Variants in GNPTAB observed in about 807,000 individuals in gnomAD.
The protein encoded by GNPTAB is N-acetylglucosamine-1-phosphotransferase subunits alpha/beta.
In GNPTAB, 92 loss-of-function variants were observed where a neutral mutation model predicts 136.6. That is an observed-to-expected ratio of 0.67 (90% confidence interval 0.57 to 0.80). The LOEUF (loss-of-function observed/expected upper bound fraction) is 0.80. GNPTAB is among the 30% of genes least tolerant of loss of function. The pLI is 0.00. For missense variants in GNPTAB, 1,343 were observed against 1,501.8 expected, an observed-to-expected ratio of 0.89 and a Z score of 1.75; for synonymous variants, 512 against 535.1, an observed-to-expected ratio of 0.96 and a Z score of 0.60.
intron 1 of GNPTAB, among the ~76,000 whole-genome samples, chr12:101,809,568 G>C (rs1408053959): frequency 1.3e-5 from 2 of 152,200 alleles, no homozygotes; most frequent in African/African-American, 4.8e-5. Flanking sequence ...ATATTATTCA[G>C]TGCTACAAAG....
intron 1 of GNPTAB, among the ~76,000 whole-genome samples, chr12:101,821,058 A>G (rs1354219120): frequency 2.5e-5 from 1 of 39,482 alleles, no homozygotes; most frequent in African/African-American, 3.9e-4. Flanking sequence ...ACTCCGTCTC[A>G]AAAAAAAAAA....
intron 18 of GNPTAB, chr12:101,756,533 T>G (rs1162935042): frequency 2.8e-6 from 1 of 360,652 alleles, no homozygotes; most frequent in Admixed American, 3.5e-5. Flanking sequence ...ATGTTTGCAT[T>G]ACTGCATTCC....
At chr12:101,756,505 T>C (rs774600507) in intron 18 of GNPTAB, 4 of 393,922 alleles carry the variant, frequency 1.0e-5, no homozygotes, top group South Asian at 7.2e-5. Context: ...GCCCACGAGG[T>C]CGAGGCTACA....
chr12:101,784,934 G>A (rs759228982), intron 5 of GNPTAB, among the ~76,000 whole-genome samples: 3 of 152,278 alleles, frequency 2.0e-5, no homozygotes, highest in South Asian at 4.1e-4. Flanking sequence ...AGCAGAAGAC[G>A]CAGGTTATGG....
rs1594206978 is a variant in GNPTAB, at chr12:101,757,072, C to T, written c.3434+140G>A. On this transcript the variant is annotated intron_variant, in intron 18 of 20. Coordinates refer to ENST00000299314, the MANE Select transcript of GNPTAB (RefSeq NM_024312.5). ...ATCTCAACTTGCAACTCCTATCTCT[C>T]ACTCAACCACCAGCTCCAACACTGC... is the stretch of plus-strand genomic sequence containing the variant. 3 of 608,278 alleles carry T rather than the reference C, an allele frequency of 4.9e-6. No individual in the cohort carries two copies. The East Asian group carries it at 8.5e-5, about 17-fold the overall frequency. The allele number at this position is 608,278 out of a possible 1,614,324, so 37.7% of individuals were successfully genotyped here.
intron 13 of GNPTAB, among the ~76,000 whole-genome samples, chr12:101,762,338 T>C (rs1953009781): frequency 6.6e-6 from 1 of 152,144 alleles, no homozygotes; most frequent in African/African-American, 2.4e-5. Flanking sequence ...AAAATAAAAA[T>C]GTAAGGAGAC....
In GNPTAB at chr12:101,824,824, A is replaced by C. The variant is rs533040618; in HGVS notation, c.117+5735T>G. 1.6e-4 allele frequency among the ~76,000 whole-genome samples: 25 copies of C among 152,226 alleles called. No individual in the cohort carries two copies. In the South Asian group the frequency reaches 5.2e-3, roughly 32 times the overall value. On this transcript the variant is annotated intron_variant, in intron 1 of 20. Transcript: ENST00000299314. The stretch of plus-strand genomic sequence containing the variant: ...GTTAATAAGCTAGGTCTGAGTTGGG[A>C]GTCTGTCACTTGCAACCTAGTGCTG...
chr12:101,830,011 A>AAG, intron 1 of GNPTAB, among the ~76,000 whole-genome samples: 1 of 150,676 alleles, frequency 6.6e-6, no homozygotes, highest in East Asian at 1.9e-4. Flanking sequence ...TACCAAAAAA[A>AAG]AAAAAAAAAA....
chr12:101,799,621 ACAGT>A (rs1869492375), intron 1 of GNPTAB, among the ~76,000 whole-genome samples: 2 of 152,172 alleles, frequency 1.3e-5, no homozygotes. Flanking sequence ...ATTAACACCA[ACAGT>A]CAGTGTTTTG....
chr12:101,761,305 C>G lies in GNPTAB; in HGVS notation c.2957G>C (p.Arg986Pro), dbSNP rs776312538. The change falls in exon 15 of 21, where the codon CGC becomes CCC. Residue 986 changes from arginine to proline, a missense_variant. By Grantham distance (103) the Arg-to-Pro change is moderately radical (BLOSUM62 -2). Transcript: ENST00000299314. The stretch of plus-strand genomic sequence containing the variant: ...GGCAAACTGCATATCCTCAGAATGG[C>G]GCACTTTGTGAAATGACGTCTTGTC... ...EFDKTSFHKV[R>P]HSEDMQFAFS... is the part of the protein sequence containing the mutation. 3 of 1,614,080 alleles carry G rather than the reference C, an allele frequency of 1.9e-6. No homozygotes were observed. Among genetic ancestry groups the G allele is most frequent in the Non-Finnish European group, 1.7e-6 (2 of 1,180,012 alleles).
At chr12:101,765,745 T>C (rs11111007) in intron 12 of GNPTAB, 37,876 of 357,246 alleles carry the variant, frequency 0.11, 2,244 homozygotes, top group Middle Eastern at 0.19. Flanking sequence ...ACTCCATTAA[T>C]ACGCTATCAA....
chr12:101,763,814 T>G (rs1194635630), intron 13 of GNPTAB, among the ~76,000 whole-genome samples: 1 of 152,234 alleles, frequency 6.6e-6, no homozygotes, highest in African/African-American at 2.4e-5. Context: ...TTTGCTGTTA[T>G]AATGTTGGGG....
chr12:101,785,883 TTC>T (rs2137144143), intron 5 of GNPTAB, 127 bp downstream of exon 5: 1 of 747,142 alleles, frequency 1.3e-6, no homozygotes. Context: ...GCTGTTTTGC[TTC>T]TCTTTGTGCA....
At chr12:101,802,803 A>G (rs1208400734) in intron 1 of GNPTAB, among the ~76,000 whole-genome samples, 3 of 152,216 alleles carry the variant, frequency 2.0e-5, no homozygotes, top group Non-Finnish European at 4.4e-5. Flanking sequence ...ACAGAATGGG[A>G]AACTGTGCCT....
chr12:101,798,297 T>G (rs1370940511), intron 1 of GNPTAB, among the ~76,000 whole-genome samples: 1 of 152,204 alleles, frequency 6.6e-6, no homozygotes, highest in Non-Finnish European at 1.5e-5. Context: ...AATCTTTCTG[T>G]GTGTCCTTTC....
intron 1 of GNPTAB, among the ~76,000 whole-genome samples, chr12:101,830,134 T>C (rs1871292649): frequency 6.6e-6 from 1 of 152,178 alleles, no homozygotes. Context: ...AGCTCATGCC[T>C]GTAACCCCAG....
chr12:101,798,633 A>G (rs112554549), intron 1 of GNPTAB, among the ~76,000 whole-genome samples: 374 of 152,366 alleles, frequency 2.5e-3, no homozygotes, highest in African/African-American at 8.8e-3. Context: ...ATAAAAATGC[A>G]GCAATAAATC....
chr12:101,772,530 G>A (rs1425997932), intron 7 of GNPTAB, among the ~76,000 whole-genome samples: 3 of 152,188 alleles, frequency 2.0e-5, no homozygotes, highest in Non-Finnish European at 4.4e-5. Flanking sequence ...ACCTGCAGAT[G>A]CATGTAACTG....
chr12:101,780,713 T>C (rs1365857992), intron 5 of GNPTAB, 92 bp from the exon 6 acceptor site: 4 of 892,414 alleles, frequency 4.5e-6, no homozygotes, highest in African/African-American at 1.6e-5. Context: ...CTGAGAGCTA[T>C]TAAAGCAGCA....
Sources: allele counts gnomAD v4.1 joint callset (sites outside exome capture counted in the v4.1 genomes callset), GRCh38; gene constraint gnomAD v4.1.1; transcripts MANE v1.5; gene names NCBI Gene and HGNC (gene_info 2026-07-23, HGNC 2026-07-21).